The following ZNF300 variants were observed in gnomAD, a reference collection of about 807,000 sequenced individuals.
ZNF300 encodes zinc finger protein 300.
A neutral mutation model predicts 13.9 loss-of-function variants in ZNF300; 6 were observed. The ratio of observed to expected loss-of-function variants is 0.43; its 90% CI spans 0.24 to 0.85. The LOEUF is 0.85. Ranked by LOEUF, ZNF300 falls within the 40% of genes least tolerant of loss-of-function variation. ZNF300 has a pLI of 0.25. For missense variants in ZNF300, 662 were observed against 714.2 expected, an observed-to-expected ratio of 0.93 and a Z score of 0.83; for synonymous variants, 237 against 242.2, an observed-to-expected ratio of 0.98 and a Z score of 0.20.
In ZNF300 at chr5:150,896,074, C is replaced by A; in HGVS notation, c.1165G>T (p.Ala389Ser). The change falls in exon 6 of 6, where the codon GCC becomes TCC. Residue 389 changes from alanine to serine, a missense_variant. Ala to Ser is a moderately conservative substitution (Grantham distance 99). Coordinates refer to ENST00000274599, the MANE Select transcript of ZNF300 (RefSeq NM_052860.4). Reference sequence around the variant, plus strand: ...ATCAGCTGTGACTTCTGGGAAAAGGCCTTCCCACACTCTCTACATTCATAG... The same window carrying A: ...ATCAGCTGTGACTTCTGGGAAAAGGACTTCCCACACTCTCTACATTCATAG... ...KPYECRECGKAFSQKSQLIIH... is the reference protein window; with the variant it reads ...KPYECRECGKSFSQKSQLIIH... 3 of 1,613,460 alleles carry A rather than the reference C, an allele frequency of 1.9e-6. No homozygotes were observed. The highest frequency in any genetic ancestry group is 2.2e-5 in the East Asian group (1 of 44,836).
At chr5:150,902,116 T>C (rs982698905) in intron 3 of ZNF300, among the ~76,000 whole-genome samples, 3 of 152,130 alleles carry the variant, frequency 2.0e-5, no homozygotes, top group African/African-American at 7.2e-5. Flanking sequence ...AGTTAAAAGG[T>C]CTCTCTGTTT....
chr5:150,895,329 T>C lies in ZNF300; in HGVS notation c.*95A>G, dbSNP rs1047176578. The C allele has an allele frequency of 1.1e-6, 1 of 941,792 alleles. No individual in the cohort carries two copies. The highest frequency in any genetic ancestry group is 3.2e-5 in the Admixed American group (1 of 31,446). The allele number at this position is 941,792 out of a possible 1,614,324, so 58.3% of individuals were successfully genotyped here. ...ACAAATTCCCTTAAAAATTTTTATC[T>C]ATTGGGATGTTGTCCCCAAGCTTAT... On this transcript the variant is annotated 3_prime_UTR_variant, in exon 6 of 6. Transcript: ENST00000274599.
At chr5:150,896,999 A>G (rs1305631639) in intron 5 of ZNF300, 26 bp from the exon 6 acceptor site, 1 of 1,562,774 alleles carries the variant, frequency 6.4e-7, no homozygotes, top group Non-Finnish European at 8.7e-7. Context: ...ATACAATTTA[A>G]GAGTCATCAC....
At position 150,899,166 on chromosome 5, in the gene ZNF300, T is replaced by C. The variant is rs182244895; in HGVS notation, c.16-612A>G. 2.4e-3 allele frequency among the ~76,000 whole-genome samples: 372 copies of C among 152,238 alleles called. 1 individual carries two copies. The highest frequency in any genetic ancestry group is 4.3e-3 in the Non-Finnish European group (290 of 67,998). On this transcript the variant is annotated intron_variant, in intron 3 of 5. Transcript: ENST00000274599. Reference sequence around the variant, plus strand: ...TCACAGTCCTGAAGAACAACCTTGATTTTGGACTTCTAGCCTCCAGAACTA... The same window carrying C: ...TCACAGTCCTGAAGAACAACCTTGACTTTGGACTTCTAGCCTCCAGAACTA...
chr5:150,896,007 C>A lies in ZNF300; in HGVS notation c.1232G>T (p.Cys411Phe). The change falls in exon 6 of 6, where the codon TGT (cysteine) becomes TTT (phenylalanine). Residue 411 changes from cysteine (C) to phenylalanine (F), a missense_variant. Physicochemically the swap from Cys to Phe is radical, Grantham distance 205. Coordinates refer to ENST00000274599, the MANE Select transcript of ZNF300 (RefSeq NM_052860.4). ...ACAGAAGGCTTTCCCACATTCGGTA[C>A]ACTCATACGGCTTCTCTCCAGTATG... ...RAHTGEKPYECTECGKAFCEK... is the reference protein window; with the variant it reads ...RAHTGEKPYEFTECGKAFCEK... 4.3e-6 allele frequency: 7 copies of A among 1,613,496 alleles called. No individual in the cohort carries two copies. The highest frequency in any genetic ancestry group is 5.9e-6 in the Non-Finnish European group (7 of 1,179,768).
In ZNF300 at chr5:150,895,342, T is replaced by G. The variant is rs750726255; in HGVS notation, c.*82A>C. The stretch of plus-strand genomic sequence containing the variant: ...AAAATTTTTATCTATTGGGATGTTG[T>G]CCCCAAGCTTATCAAATTAATTGGG... On this transcript the variant is annotated 3_prime_UTR_variant, in exon 6 of 6. Transcript: ENST00000274599. 6.0e-5 allele frequency: 68 copies of G among 1,126,234 alleles called. No homozygotes were observed. Among genetic ancestry groups the G allele is most frequent in the Admixed American group, 1.1e-4 (4 of 36,098 alleles). The allele number at this position is 1,126,234 out of a possible 1,614,324, so 69.8% of individuals were successfully genotyped here.
In ZNF300 at chr5:150,896,972, G is replaced by C; in HGVS notation, c.267C>G (p.Asp89Glu). Residue 89 changes from aspartate to glutamate, a missense_variant and splice_region_variant, in exon 6 of 6, where the codon GAC becomes GAG. Transcript: ENST00000274599. ...GGGAGTTGTGAAGGTTACTCTTCCT[G>C]TCTAAAAGAAGAAAAGATACAATTT... The part of the protein sequence containing the change: ...PDEYQADGRQ[D>E]RKSNLHNSQS... 6.3e-7 allele frequency: 1 copy of C among 1,599,626 alleles called. No individual in the cohort carries two copies. The highest frequency in any genetic ancestry group is 8.5e-7 in the Non-Finnish European group (1 of 1,174,038).
In ZNF300 at chr5:150,896,042, G is replaced by A. The variant is rs145326125; in HGVS notation, c.1197C>T (p.His399=). The change falls in exon 6 of 6, where the codon CAC becomes CAT. Residue 399 remains histidine (H), a synonymous_variant. Coordinates refer to ENST00000274599, the MANE Select transcript of ZNF300 (RefSeq NM_052860.4). ...GCTTCTCTCCAGTATGAGCTCTGTG[G>A]TGTATAATCAGCTGTGACTTCTGGG... ...AFSQKSQLII[H]HRAHTGEKPY... is the part of the protein sequence containing the mutation. 149 of 1,613,140 alleles carry A rather than the reference G, an allele frequency of 9.2e-5. No homozygotes were observed. The African/African-American group carries it at 1.4e-3, about 15-fold the overall frequency.
intron 3 of ZNF300, among the ~76,000 whole-genome samples, chr5:150,902,553 T>C (rs1370607843): frequency 6.6e-6 from 1 of 152,236 alleles, no homozygotes; most frequent in African/African-American, 2.4e-5. Context: ...TCTGCCATTG[T>C]AGCTAGAAAA....
intron 1 of ZNF300, among the ~76,000 whole-genome samples, chr5:150,904,229 A>T (rs1002869510): frequency 5.9e-5 from 9 of 151,628 alleles, no homozygotes; most frequent in African/African-American, 2.2e-4. Flanking sequence ...AAAGGGGTTG[A>T]CCTTTAAGAA....
intron 2 of ZNF300, chr5:150,903,398 C>T (rs1328634747): frequency 1.3e-6 from 2 of 1,531,870 alleles, no homozygotes; most frequent in Admixed American, 3.9e-5. Flanking sequence ...AATATGATCA[C>T]ATAGAAGTTG....
chr5:150,894,745 T>G lies in ZNF300; in HGVS notation c.*679A>C, dbSNP rs1754692778. 1.3e-5 allele frequency: 2 copies of G among 152,330 alleles called. No homozygotes were observed. The highest frequency in any genetic ancestry group is 1.3e-4 in the Admixed American group (2 of 15,268). 9.4% of individuals were successfully genotyped at this position (152,330 alleles called of 1,614,324 possible). On this transcript the variant is annotated 3_prime_UTR_variant, in exon 6 of 6. Transcript: ENST00000274599. The stretch of plus-strand genomic sequence containing the variant: ...TAAAGTCACACAATCTGTGAGGCAC[T>G]GAGCCAGGATTAAACCCAAGGCCAT...
In ZNF300 at chr5:150,898,570, C is replaced by CCTGTTCAATCTGAA. The variant is rs1360182485; in HGVS notation, c.16-30_16-17dup. On this transcript the variant is annotated splice_polypyrimidine_tract_variant and intron_variant, in intron 3 of 5. Coordinates refer to ENST00000274599, the MANE Select transcript of ZNF300 (RefSeq NM_052860.4). The stretch of plus-strand genomic sequence containing the variant: ...ATACTAACCCCTGTAATAGTAAATT[C>CCTGTTCAATCTGAA]CTGTTCAATCTGAAATGATCATTCT... The CCTGTTCAATCTGAA allele has an allele frequency of 6.4e-7, 1 of 1,572,428 alleles. No homozygotes were observed. Among genetic ancestry groups the CCTGTTCAATCTGAA allele is most frequent in the Non-Finnish European group, 8.6e-7 (1 of 1,156,724 alleles).
At chr5:150,903,270 A>T (rs1755046146) in intron 2 of ZNF300, 88 bp from the exon 3 acceptor site, 2 of 1,608,256 alleles carry the variant, frequency 1.2e-6, no homozygotes, top group Non-Finnish European at 8.5e-7. Context: ...GCAACAACTA[A>T]CATCAGAAGT....
Position 150,896,871 on chromosome 5 carries a change from G to A in ZNF300, c.368C>T (p.Ser123Phe), listed in dbSNP as rs770010819. The change falls in exon 6 of 6, where the codon TCC becomes TTC. Residue 123 changes from serine to phenylalanine, a missense_variant. By Grantham distance (155) the Ser-to-Phe change is radical. Coordinates refer to ENST00000274599, the MANE Select transcript of ZNF300 (RefSeq NM_052860.4). ...KGVTRDGSLC[S>F]ILKVCQGDGQ... The stretch of plus-strand genomic sequence containing the variant: ...ATCACCTTGACAGACTTTTAAAATG[G>A]AGCACAATGAACCATCCCTTGTGAC... 6.2e-5 allele frequency: 100 copies of A among 1,613,488 alleles called. No homozygotes were observed. Among genetic ancestry groups the A allele is most frequent in the Non-Finnish European group, 7.5e-5 (89 of 1,179,746 alleles).
In ZNF300 at chr5:150,896,359, T is replaced by C. The variant is rs1371775396; in HGVS notation, c.880A>G (p.Lys294Glu). Reference sequence around the variant, plus strand: ...CATGCACCACAATCATATGGTTTCTTTCCAGTATGAATTCTTTGATGTACA... The same window carrying C: ...CATGCACCACAATCATATGGTTTCTCTCCAGTATGAATTCTTTGATGTACA... ...LIVHQRIHTG[K>E]KPYDCGACGK... is the part of the protein sequence containing the mutation. Residue 294 changes from lysine to glutamate, a missense_variant, in exon 6 of 6, where the codon AAG becomes GAG. Lys to Glu is a moderately conservative substitution (Grantham distance 56). Transcript: ENST00000274599. 2 of 1,613,620 alleles carry C rather than the reference T, an allele frequency of 1.2e-6. No homozygotes were observed. Among genetic ancestry groups the C allele is most frequent in the Non-Finnish European group, 8.5e-7 (1 of 1,179,812 alleles).
intron 3 of ZNF300, among the ~76,000 whole-genome samples, chr5:150,899,290 T>C (rs1754910734): frequency 1.3e-5 from 2 of 151,962 alleles, no homozygotes; most frequent in African/African-American, 4.8e-5. Context: ...GGAAAAAGAA[T>C]AGATTCTGAT....
Position 150,895,677 on chromosome 5 carries a change from T to C in ZNF300, c.1562A>G (p.Tyr521Cys). The C allele has an allele frequency of 1.2e-6, 2 of 1,613,500 alleles. No individual in the cohort carries two copies. The highest frequency in any genetic ancestry group is 1.7e-6 in the Non-Finnish European group (2 of 1,179,782). Residue 521 changes from tyrosine (Y) to cysteine (C), a missense_variant, in exon 6 of 6, where the codon TAT becomes TGT. By Grantham distance (194) the Tyr-to-Cys change is radical (BLOSUM62 -2). Transcript: ENST00000274599. Reference protein sequence around the residue: ...HQRIHTGEKPYICTECGKAFS... With the variant: ...HQRIHTGEKPCICTECGKAFS... ...GGCTTTCCCACATTCAGTACATATA[T>C]AAGGTTTTTCTCCTGTGTGAATTCT...
intron 3 of ZNF300, among the ~76,000 whole-genome samples, chr5:150,900,350 T>A (rs879732562): frequency 1.3e-5 from 2 of 152,080 alleles, no homozygotes; most frequent in Non-Finnish European, 2.9e-5. Context: ...CTGCCCTTTC[T>A]ACTTTTACAA....
Sources: allele counts gnomAD v4.1 joint callset (sites outside exome capture counted in the v4.1 genomes callset), GRCh38; gene constraint gnomAD v4.1.1; transcripts MANE v1.5; gene names NCBI Gene and HGNC (gene_info 2026-07-23, HGNC 2026-07-21).